Variants in GAP43 observed in about 807,000 individuals in gnomAD.
GAP43 encodes the protein growth associated protein 43, also known as neuromodulin.
A neutral mutation model predicts 18.6 loss-of-function variants in GAP43; 6 were observed. The ratio of observed to expected loss-of-function variants is 0.32; its 90% CI spans 0.18 to 0.64. The LOEUF is 0.64. Ranked by LOEUF, GAP43 falls within the 30% of genes least tolerant of loss-of-function variation. The probability of loss-of-function intolerance (pLI) is 0.78; values close to 1 mark genes in which losing one functional copy is unlikely to be tolerated. For missense variants in GAP43, 292 were observed against 295.5 expected, an observed-to-expected ratio of 0.99 and a Z score of 0.09; for synonymous variants, 115 against 111.4, an observed-to-expected ratio of 1.03 and a Z score of -0.20.
chr3:115,675,184 T>C (rs1362517317), intron 1 of GAP43, among the ~76,000 whole-genome samples: 1 of 152,128 alleles, frequency 6.6e-6, no homozygotes, highest in African/African-American at 2.4e-5. Flanking sequence ...TAAGCCTCCT[T>C]CCTCAGCCTC....
At chr3:115,689,575 T>C (rs1310763123) in intron 2 of GAP43, among the ~76,000 whole-genome samples, 2 of 152,334 alleles carry the variant, frequency 1.3e-5, no homozygotes, top group East Asian at 3.9e-4. Context: ...GCAACTTCTT[T>C]TCCATGACCC....
At chr3:115,717,966 G>A (rs1334563503) in intron 2 of GAP43, among the ~76,000 whole-genome samples, 1 of 152,194 alleles carries the variant, frequency 6.6e-6, no homozygotes, top group Non-Finnish European at 1.5e-5. Context: ...AACAGAAAGT[G>A]TAGCTGCATC....
At chr3:115,649,893 C>G (rs1020032837) in intron 1 of GAP43, among the ~76,000 whole-genome samples, 1 of 151,144 alleles carries the variant, frequency 6.6e-6, no homozygotes, top group Non-Finnish European at 1.5e-5. Context: ...TCTTTTTTCC[C>G]TCAGTGAAGA....
chr3:115,655,888 G>A (rs1356517023), intron 1 of GAP43, among the ~76,000 whole-genome samples: 1 of 152,162 alleles, frequency 6.6e-6, no homozygotes, highest in African/African-American at 2.4e-5. Context: ...AATACAACAG[G>A]AACAGTCTAG....
intron 1 of GAP43, among the ~76,000 whole-genome samples, chr3:115,668,113 T>C (rs1038878778): frequency 1.3e-5 from 2 of 152,230 alleles, no homozygotes; most frequent in African/African-American, 4.8e-5. Context: ...TGAGTCTCAG[T>C]GATTTTGACC....
chr3:115,665,356 G>A (rs941557681), intron 1 of GAP43, among the ~76,000 whole-genome samples: 9 of 152,234 alleles, frequency 5.9e-5, no homozygotes, highest in African/African-American at 2.2e-4. Flanking sequence ...CATACTTTTC[G>A]AGTGTTCATT....
intron 1 of GAP43, among the ~76,000 whole-genome samples, chr3:115,645,199 GAA>G (rs1708443359): frequency 6.6e-6 from 1 of 151,968 alleles, no homozygotes; most frequent in Non-Finnish European, 1.5e-5. Flanking sequence ...GTAAATATAT[GAA>G]TCAGATATGT....
intron 1 of GAP43, among the ~76,000 whole-genome samples, chr3:115,650,212 C>T (rs1048614180): frequency 6.6e-6 from 1 of 152,092 alleles, no homozygotes; most frequent in Non-Finnish European, 1.5e-5. Context: ...GGTTATTTTT[C>T]TCTTCACATC....
chr3:115,666,135 G>T lies in GAP43; in HGVS notation c.31-9878G>T, dbSNP rs551981485. ...CTCCTACACTAGGTGAAGTTTTGGG[G>T]GGTGGGTAAGTTAGAGAAGACTGAG... On this transcript the variant is annotated intron_variant, in intron 1 of 2. Transcript: ENST00000305124. Among the ~76,000 whole-genome samples the T allele has an allele frequency of 4.6e-5, 7 of 152,040 alleles. No individual in the cohort carries two copies. The South Asian group carries it at 6.3e-4, about 14-fold the overall frequency.
intron 2 of GAP43, 36 bp from the exon 3 acceptor site, chr3:115,720,758 C>A: frequency 7.0e-7 from 1 of 1,433,744 alleles, no homozygotes. Flanking sequence ...CTAATTCTCT[C>A]CTTTTCCCCC....
chr3:115,680,980 G>T (rs537359580), intron 2 of GAP43, among the ~76,000 whole-genome samples: 2 of 152,220 alleles, frequency 1.3e-5, no homozygotes, highest in South Asian at 2.1e-4. Flanking sequence ...AGGGTGCCTC[G>T]TGAGCGGCTT....
At chr3:115,665,989 A>AGTTTGTGTGTGTGTGTGTGT (rs1273344906) in intron 1 of GAP43, among the ~76,000 whole-genome samples, 4 of 61,670 alleles carry the variant, frequency 6.5e-5, no homozygotes, top group African/African-American at 2.1e-4. Flanking sequence ...TGGCTAAATG[A>AGTTTGTGTGTGTGTGTGTGT]GTGTGTGTGT....
intron 2 of GAP43, among the ~76,000 whole-genome samples, chr3:115,697,102 G>A (rs1024255472): frequency 6.6e-6 from 1 of 152,006 alleles, no homozygotes; most frequent in Non-Finnish European, 1.5e-5. Flanking sequence ...GCCTCCCAAA[G>A]TGCTGGGATT....
chr3:115,687,247 T>G (rs1318756672), intron 2 of GAP43, among the ~76,000 whole-genome samples: 1 of 151,732 alleles, frequency 6.6e-6, no homozygotes, highest in Non-Finnish European at 1.5e-5. Flanking sequence ...AATAAAAGAG[T>G]CAATGCCAAT....
At chr3:115,639,905 C>G (rs1172359426) in intron 1 of GAP43, among the ~76,000 whole-genome samples, 3 of 152,054 alleles carry the variant, frequency 2.0e-5, no homozygotes, top group African/African-American at 7.2e-5. Flanking sequence ...TTAAGAGAAT[C>G]AAGAAGGGAA....
intron 1 of GAP43, among the ~76,000 whole-genome samples, chr3:115,638,954 C>G (rs1477988524): frequency 1.3e-5 from 2 of 152,002 alleles, no homozygotes; most frequent in African/African-American, 4.8e-5. Context: ...TTTTGCTATA[C>G]CAGGAGCTCC....
In GAP43 at chr3:115,696,579, C is replaced by CCA. The variant is rs1491115172; in HGVS notation, c.628+19970_628+19971insAC. Among the ~76,000 whole-genome samples the CCA allele has an allele frequency of 9.0e-4, 66 of 73,472 alleles. 1 individual carries two copies. Among genetic ancestry groups the CCA allele is most frequent in the African/African-American group, 4.9e-3 (56 of 11,428 alleles). 48.2% of individuals were successfully genotyped at this position (73,472 alleles called of 152,430 possible). On this transcript the variant is annotated intron_variant, in intron 2 of 2. Coordinates refer to ENST00000305124, the MANE Select transcript of GAP43 (RefSeq NM_002045.4). ...CTGATTTCCTTGCTGCCCCCCACCG[C>CCA]CCCCCCCCCCCACAAACAGGTATGC...
chr3:115,624,088 A>C (rs2107461370), intron 1 of GAP43, among the ~76,000 whole-genome samples: 1 of 81,864 alleles, frequency 1.2e-5, no homozygotes, highest in East Asian at 4.6e-4. Flanking sequence ...GCATTTCTTT[A>C]TATTATTTGC....
intron 2 of GAP43, among the ~76,000 whole-genome samples, chr3:115,713,669 A>G (rs1709467682): frequency 6.6e-6 from 1 of 152,242 alleles, no homozygotes; most frequent in Non-Finnish European, 1.5e-5. Flanking sequence ...TCCAAACTCT[A>G]TTTTAGCAAG....
Sources: allele counts gnomAD v4.1 joint callset (sites outside exome capture counted in the v4.1 genomes callset), GRCh38; gene constraint gnomAD v4.1.1; transcripts MANE v1.5; gene names NCBI Gene and HGNC (gene_info 2026-07-23, HGNC 2026-07-21).